The following KMT2C variants were observed in gnomAD, a reference collection of about 807,000 sequenced individuals.
The protein encoded by KMT2C is histone-lysine N-methyltransferase 2C.
Under a neutral mutation model 507.9 loss-of-function variants are expected in KMT2C, and 88 were observed. The observed-to-expected ratio is 0.17, with a 90% CI of 0.15 to 0.21. The LOEUF (loss-of-function observed/expected upper bound fraction) is 0.21, where lower values mean the gene tolerates loss of function less well. KMT2C is among the 10% of genes least tolerant of loss of function. The pLI, the probability that KMT2C is intolerant of heterozygous loss-of-function variation, is 1.00. For missense variants in KMT2C, 4,954 were observed against 5,957.8 expected, an observed-to-expected ratio of 0.83 and a Z score of 5.55; for synonymous variants, 2,049 against 2,080.8, an observed-to-expected ratio of 0.98 and a Z score of 0.42.
intron 42 of KMT2C, 100 bp downstream of exon 42, chr7:152,167,046 G>T: frequency 1.1e-6 from 1 of 938,112 alleles, no homozygotes; most frequent in Non-Finnish European, 1.6e-6. Flanking sequence ...TTTAATACTA[G>T]TCAAAAAAAA....
At position 152,181,532 on chromosome 7, in the gene KMT2C, C is replaced by T. The variant is rs778168659; in HGVS notation, c.6328G>A (p.Ala2110Thr). ...TPHPAVNESF[A>T]HPSRAFSQPG... ...TGGGAAAAAGCCCTTGAAGGATGGG[C>T]AAAAGATTCATTCACTGCTGGATGT... Residue 2110 changes from alanine (A) to threonine (T), a missense_variant, in exon 36 of 59, where the codon GCC (alanine) becomes ACC (threonine). By Grantham distance (58) the Ala-to-Thr change is moderately conservative (BLOSUM62 0). Coordinates refer to ENST00000262189, the MANE Select transcript of KMT2C (RefSeq NM_170606.3). The T allele has an allele frequency of 6.2e-7, 1 of 1,613,826 alleles. No homozygotes were observed. The highest frequency in any genetic ancestry group is 1.1e-5 in the South Asian group (1 of 91,048).
chr7:152,177,087 C>T lies in KMT2C; in HGVS notation c.8366G>A (p.Cys2789Tyr), dbSNP rs1235484899. The T allele has an allele frequency of 1.2e-6, 2 of 1,612,674 alleles. No individual in the cohort carries two copies. The highest frequency in any genetic ancestry group is 1.7e-6 in the Non-Finnish European group (2 of 1,179,440). Residue 2789 changes from cysteine (C) to tyrosine (Y), a missense_variant, in exon 38 of 59, where the codon TGT becomes TAT. Coordinates refer to ENST00000262189, the MANE Select transcript of KMT2C (RefSeq NM_170606.3). ...CTTTTTTTTTGGTTCAACAGATACA[C>T]ACTGATTATCTAACTTATCATCAAT... is the stretch of plus-strand genomic sequence containing the variant. Reference protein sequence around the residue: ...LPIDDKLDNQCVSVEPKKKEQ... With the variant: ...LPIDDKLDNQYVSVEPKKKEQ...
chr7:152,275,629 T>C (rs2096067737), intron 6 of KMT2C, among the ~76,000 whole-genome samples: 1 of 152,172 alleles, frequency 6.6e-6, no homozygotes, highest in Admixed American at 6.5e-5. Flanking sequence ...TAACCAGCTT[T>C]TACAAAACAG....
At chr7:152,237,763 G>C (rs1365231361) in intron 15 of KMT2C, among the ~76,000 whole-genome samples, 4 of 152,128 alleles carry the variant, frequency 2.6e-5, no homozygotes, top group Non-Finnish European at 5.9e-5. Flanking sequence ...GCCTCCCAAA[G>C]TGCTGGGATT....
intron 31 of KMT2C, among the ~76,000 whole-genome samples, chr7:152,192,370 GTC>G (rs1472848636): frequency 6.6e-6 from 1 of 151,814 alleles, no homozygotes; most frequent in Non-Finnish European, 1.5e-5. Context: ...GTGAAACCCC[GTC>G]TCTACTAAAA....
At chr7:152,319,331 T>C (rs1017213137) in intron 3 of KMT2C, among the ~76,000 whole-genome samples, 1 of 152,120 alleles carries the variant, frequency 6.6e-6, no homozygotes, top group African/African-American at 2.4e-5. Context: ...TAATCCTCAC[T>C]CTACAATCAT....
intron 2 of KMT2C, among the ~76,000 whole-genome samples, chr7:152,331,953 A>C (rs1004407244): frequency 3.3e-5 from 5 of 152,130 alleles, no homozygotes; most frequent in African/African-American, 4.8e-5. Flanking sequence ...CCGGCCAAAA[A>C]AAAATCTTAT....
chr7:152,358,292 C>T lies in KMT2C; in HGVS notation c.250+295G>A, dbSNP rs1042750629. ...TTCATAGGCCAGAATATACTATGAGCGATTATACTAACAGCCTGGATTACT... is the reference window on the plus strand; with the variant it reads ...TTCATAGGCCAGAATATACTATGAGTGATTATACTAACAGCCTGGATTACT... On this transcript the variant is annotated intron_variant, in intron 2 of 58. Transcript: ENST00000262189. 5.3e-5 allele frequency among the ~76,000 whole-genome samples: 8 copies of T among 152,032 alleles called. No homozygotes were observed. The South Asian group carries it at 6.2e-4, about 12-fold the overall frequency.
At chr7:152,200,379 A>C (rs576242935) in intron 26 of KMT2C, among the ~76,000 whole-genome samples, 1 of 152,358 alleles carries the variant, frequency 6.6e-6, no homozygotes, top group East Asian at 1.9e-4. Flanking sequence ...TTATCAAAGA[A>C]AAAGCCCTAA....
intron 3 of KMT2C, among the ~76,000 whole-genome samples, chr7:152,330,084 C>T (rs2096866774): frequency 7.9e-6 from 1 of 127,070 alleles, no homozygotes; most frequent in Non-Finnish European, 1.5e-5. Flanking sequence ...TTGGAGGTTG[C>T]AGTGAGCTGA....
chr7:152,319,895 C>T (rs1299552052), intron 3 of KMT2C, among the ~76,000 whole-genome samples: 1 of 152,156 alleles, frequency 6.6e-6, no homozygotes, highest in Non-Finnish European at 1.5e-5. Context: ...GACATGTGAC[C>T]CACGTGACCT....
At chr7:152,427,871 A>C (rs1472958274) in intron 1 of KMT2C, among the ~76,000 whole-genome samples, 1 of 152,208 alleles carries the variant, frequency 6.6e-6, no homozygotes, top group East Asian at 1.9e-4. Flanking sequence ...TCTATGCCAG[A>C]AACTGCCGAA....
chr7:152,282,870 T>A (rs2096243694), intron 6 of KMT2C, among the ~76,000 whole-genome samples: 2 of 152,156 alleles, frequency 1.3e-5, no homozygotes, highest in Middle Eastern at 6.8e-3. Flanking sequence ...TTTAGAAAAA[T>A]TAAGTTTTTT....
chr7:152,377,167 G>A (rs78320817), intron 1 of KMT2C, among the ~76,000 whole-genome samples: 736 of 122,114 alleles, frequency 6.0e-3, no homozygotes, highest in African/African-American at 0.016. Flanking sequence ...TCTGCTTGCT[G>A]TCTACATATG....
rs202162926 is a variant in KMT2C at position 152,279,366 on chromosome 7, T to C, written c.850-5499A>G. 3.7e-4 allele frequency among the ~76,000 whole-genome samples: 56 copies of C among 152,134 alleles called. No individual in the cohort carries two copies. In the East Asian group the frequency reaches 4.6e-3, roughly 13 times the overall value. On this transcript the variant is annotated intron_variant, in intron 6 of 58. Coordinates refer to ENST00000262189, the MANE Select transcript of KMT2C (RefSeq NM_170606.3). ...CATGCAAAACTATAAGACTAAAGAA[T>C]TAAAATAAATAATGCCCAATTCAAA...
chr7:152,405,452 C>G (rs1003734411), intron 1 of KMT2C, among the ~76,000 whole-genome samples: 3 of 152,190 alleles, frequency 2.0e-5, no homozygotes, highest in East Asian at 2.0e-4. Flanking sequence ...GCCATGTTAG[C>G]CAGACTGGTC....
chr7:152,296,568 G>C (rs2096498492), intron 6 of KMT2C, among the ~76,000 whole-genome samples: 1 of 151,816 alleles, frequency 6.6e-6, no homozygotes, highest in Non-Finnish European at 1.5e-5. Context: ...GCTATCCTGA[G>C]AGTACAATGC....
Position 152,378,539 on chromosome 7 carries a change from A to G in KMT2C, c.162-19864T>C, listed in dbSNP as rs563210887. On this transcript the variant is annotated intron_variant, in intron 1 of 58. Transcript: ENST00000262189. The stretch of plus-strand genomic sequence containing the variant: ...GACTGCAGTAGAATATAAACATAAT[A>G]TTTACATGCACTGGTAAACCAAAAT... Among the ~76,000 whole-genome samples the G allele has an allele frequency of 4.6e-5, 7 of 152,342 alleles. No individual in the cohort carries two copies. The East Asian group carries it at 1.2e-3, about 25-fold the overall frequency.
At chr7:152,260,815 T>C (rs1472442756) in intron 9 of KMT2C, among the ~76,000 whole-genome samples, 2 of 152,238 alleles carry the variant, frequency 1.3e-5, no homozygotes, top group African/African-American at 4.8e-5. Flanking sequence ...AGAGGAAATA[T>C]ATTTTTGAAA....
Sources: allele counts gnomAD v4.1 joint callset (sites outside exome capture counted in the v4.1 genomes callset), GRCh38; gene constraint gnomAD v4.1.1; transcripts MANE v1.5; gene names NCBI Gene and HGNC (gene_info 2026-07-23, HGNC 2026-07-21).